PKHD1: variants seen among roughly 807,000 people sequenced by gnomAD.
PKHD1 encodes PKHD1 ciliary IPT domain containing fibrocystin/polyductin.
A neutral mutation model predicts 412.0 loss-of-function variants in PKHD1; 291 were observed. The observed-to-expected ratio is 0.71, with a 90% CI of 0.64 to 0.78. The LOEUF (loss-of-function observed/expected upper bound fraction) is 0.78, where lower values mean the gene tolerates loss of function less well. PKHD1 is among the 30% of genes least tolerant of loss of function. The pLI is 0.00. For synonymous variants in PKHD1, 1,777 were observed against 1,821.5 expected, an observed-to-expected ratio of 0.98 and a Z score of 0.62; for missense variants, 4,825 against 4,950.7, an observed-to-expected ratio of 0.97 and a Z score of 0.76.
intron 60 of PKHD1, among the ~76,000 whole-genome samples, chr6:51,683,771 G>C (rs1394254527): frequency 1.3e-5 from 2 of 151,984 alleles, no homozygotes; most frequent in Non-Finnish European, 2.9e-5. Context: ...TGTAATCATT[G>C]ATTTTATACT....
At chr6:51,959,815 CT>C (rs879142194) in intron 36 of PKHD1, 54 bp downstream of exon 36, 3 of 1,495,320 alleles carry the variant, frequency 2.0e-6, no homozygotes, top group Non-Finnish European at 2.8e-6. Flanking sequence ...TCCATCCCCC[CT>C]ACAAGTGATA....
chr6:52,069,022 A>T (rs778731519), intron 11 of PKHD1, among the ~76,000 whole-genome samples: 1 of 152,148 alleles, frequency 6.6e-6, no homozygotes, highest in Non-Finnish European at 1.5e-5. Flanking sequence ...TTTCACATTC[A>T]TTTTTTTAGT....
chr6:51,733,641 A>C (rs1783498236), intron 60 of PKHD1, among the ~76,000 whole-genome samples: 1 of 152,180 alleles, frequency 6.6e-6, no homozygotes, highest in African/African-American at 2.4e-5. Flanking sequence ...AAAATGTCAT[A>C]TATTGGCTGA....
chr6:52,074,810 T>C (rs1811122165), intron 6 of PKHD1, among the ~76,000 whole-genome samples: 3 of 152,170 alleles, frequency 2.0e-5, no homozygotes, highest in African/African-American at 4.8e-5. Context: ...AATGAGAGTA[T>C]TCATCTGGAA....
chr6:52,077,217 G>A (rs927621613), intron 5 of PKHD1, among the ~76,000 whole-genome samples: 2 of 152,252 alleles, frequency 1.3e-5, no homozygotes, highest in Admixed American at 6.5e-5. Context: ...AGGTGAGAAC[G>A]AGGCAATCCC....
intron 35 of PKHD1, among the ~76,000 whole-genome samples, chr6:51,963,868 T>C (rs1405173612): frequency 6.6e-6 from 1 of 152,114 alleles, no homozygotes; most frequent in Non-Finnish European, 1.5e-5. Context: ...AGCTCTTTCC[T>C]CTATAGTTCC....
intron 60 of PKHD1, chr6:51,721,056 G>A: frequency 1.0e-6 from 1 of 983,086 alleles, no homozygotes; most frequent in Non-Finnish European, 1.2e-6. Flanking sequence ...TAAGGCTCTG[G>A]GGGAACCAAT....
At chr6:51,718,755 C>G (rs1045899523) in intron 60 of PKHD1, among the ~76,000 whole-genome samples, 1 of 151,906 alleles carries the variant, frequency 6.6e-6, no homozygotes, top group Non-Finnish European at 1.5e-5. Context: ...GAGATATAAT[C>G]AAATAAAAAA....
At chr6:51,959,146 G>A (rs1049492380) in intron 36 of PKHD1, among the ~76,000 whole-genome samples, 5 of 152,062 alleles carry the variant, frequency 3.3e-5, no homozygotes, top group Non-Finnish European at 7.4e-5. Flanking sequence ...CAGTGTTTTA[G>A]TGCAGAGTTT....
At chr6:51,667,543 A>G (rs1562060630) in intron 60 of PKHD1, among the ~76,000 whole-genome samples, 1 of 151,832 alleles carries the variant, frequency 6.6e-6, no homozygotes, top group Non-Finnish European at 1.5e-5. Flanking sequence ...GAAGCTCTTT[A>G]GTTTAATTAG....
At chr6:51,854,221 T>G (rs1772862746) in intron 49 of PKHD1, among the ~76,000 whole-genome samples, 1 of 152,118 alleles carries the variant, frequency 6.6e-6, no homozygotes, top group African/African-American at 2.4e-5. Flanking sequence ...GGGGTTCACT[T>G]CAGGCCCTAT....
At chr6:52,007,737 A>G (rs1409911325) in intron 35 of PKHD1, among the ~76,000 whole-genome samples, 1 of 152,176 alleles carries the variant, frequency 6.6e-6, no homozygotes, top group African/African-American at 2.4e-5. Context: ...AAACCAAACC[A>G]CCCTAACAAG....
chr6:51,967,201 C>T (rs1792941245), intron 35 of PKHD1, among the ~76,000 whole-genome samples: 1 of 152,088 alleles, frequency 6.6e-6, no homozygotes, highest in East Asian at 1.9e-4. Context: ...AAACTACAGT[C>T]CACAACCCAC....
intron 47 of PKHD1, among the ~76,000 whole-genome samples, chr6:51,870,098 C>G (rs1241673479): frequency 6.6e-6 from 1 of 152,172 alleles, no homozygotes; most frequent in Non-Finnish European, 1.5e-5. Flanking sequence ...TCAGGAAAGG[C>G]TGTATGCATG....
At chr6:51,755,477 C>G (rs1228465228) in intron 55 of PKHD1, among the ~76,000 whole-genome samples, 1 of 152,122 alleles carries the variant, frequency 6.6e-6, no homozygotes, top group Admixed American at 6.5e-5. Flanking sequence ...CACTCCTCGG[C>G]TTCATATCCT....
At chr6:51,832,845 C>A (rs1375383622) in intron 51 of PKHD1, among the ~76,000 whole-genome samples, 1 of 151,962 alleles carries the variant, frequency 6.6e-6, no homozygotes, top group Non-Finnish European at 1.5e-5. Flanking sequence ...CCAGGATAAC[C>A]TAAAAGTATA....
intron 36 of PKHD1, among the ~76,000 whole-genome samples, chr6:51,958,705 A>G (rs1225711444): frequency 1.3e-5 from 2 of 152,068 alleles, no homozygotes; most frequent in Non-Finnish European, 2.9e-5. Flanking sequence ...AGGCCTGCCA[A>G]GAGTATCTTT....
chr6:51,937,850 AT>A (rs1787768676), intron 36 of PKHD1, among the ~76,000 whole-genome samples: 1 of 152,196 alleles, frequency 6.6e-6, no homozygotes, highest in Admixed American at 6.5e-5. Context: ...CTCTGTGGCT[AT>A]CATCACACTC....
chr6:51,984,466 A>G (rs191968421), intron 35 of PKHD1, among the ~76,000 whole-genome samples: 1 of 152,394 alleles, frequency 6.6e-6, no homozygotes, highest in East Asian at 1.9e-4. Flanking sequence ...CTGCTCTTGC[A>G]CAAAATTTAC....
Sources: gnomAD v4.1 joint callset for allele counts (sites outside exome capture counted in the v4.1 genomes callset) on GRCh38, gnomAD v4.1.1 for gene constraint, MANE v1.5 for transcripts, NCBI Gene and HGNC (gene_info 2026-07-23, HGNC 2026-07-21) for gene names.